Variants in EPB41L3 observed in about 807,000 individuals in gnomAD.
The protein encoded by EPB41L3 is band 4.1-like protein 3.
A neutral mutation model predicts 127.1 loss-of-function variants in EPB41L3; 57 were observed. That is an observed-to-expected ratio of 0.45 (90% CI 0.36 to 0.56). The LOEUF is 0.56. Ranked by LOEUF, EPB41L3 falls within the 20% of genes least tolerant of loss-of-function variation. The probability of loss-of-function intolerance (pLI) is 0.00; values close to 1 mark genes in which losing one functional copy is unlikely to be tolerated. For synonymous variants in EPB41L3, 572 were observed against 549.5 expected (o/e 1.04, Z -0.57); for missense variants, 1,273 against 1,372.2 (o/e 0.93, Z 1.14).
intron 3 of EPB41L3, among the ~76,000 whole-genome samples, chr18:5,582,628 T>C (rs577209876): frequency 6.6e-6 from 1 of 152,246 alleles, no homozygotes. Context: ...ACAGAGAACA[T>C]GAGTGCTAGA....
rs969076633 is a variant in EPB41L3, at chr18:5,415,945, G to A, written c.1940C>T (p.Ser647Phe). 1.2e-6 allele frequency: 2 copies of A among 1,614,140 alleles called. No individual in the cohort carries two copies. The highest frequency in any genetic ancestry group is 1.7e-6 in the Non-Finnish European group (2 of 1,180,032). Residue 647 changes from serine to phenylalanine, a missense_variant, in exon 13 of 23, where the codon TCC (serine) becomes TTC (phenylalanine). By Grantham distance (155) the Ser-to-Phe change is radical (BLOSUM62 -2). This residue lies in a region of EPB41L3 where 765 missense variants were observed against 782.9 expected (regional missense o/e 0.98). Coordinates refer to ENST00000341928, the MANE Select transcript of EPB41L3 (RefSeq NM_012307.5). ...AGTGAGAGCGTATGGCACTGAGAAG[G>A]AGGCAGACAGCAGAAAGAAAAAGAT... Reference protein sequence around the residue: ...LFIFFFLLSASFSVPYALTLS... With the variant: ...LFIFFFLLSAFFSVPYALTLS...
intron 2 of EPB41L3, among the ~76,000 whole-genome samples, chr18:5,484,086 C>A (rs1599593860): frequency 1.6e-4 from 3 of 18,266 alleles, no homozygotes; most frequent in Admixed American, 1.5e-3. Context: ...CAAACAAACT[C>A]AAAAAAAAAA....
chr18:5,554,257 A>T (rs1184580074), intron 3 of EPB41L3, among the ~76,000 whole-genome samples: 1 of 152,184 alleles, frequency 6.6e-6, no homozygotes, highest in Admixed American at 6.6e-5. Context: ...CATAAGTCCC[A>T]CAAAAACAGG....
intron 3 of EPB41L3, among the ~76,000 whole-genome samples, chr18:5,566,540 G>C (rs1038217603): frequency 3.9e-5 from 6 of 152,022 alleles, no homozygotes; most frequent in Admixed American, 2.0e-4. Context: ...TACTGCCCAA[G>C]GTAATTTATA....
chr18:5,472,201 T>C (rs1483748683), intron 3 of EPB41L3, among the ~76,000 whole-genome samples: 9 of 152,210 alleles, frequency 5.9e-5, no homozygotes, highest in Non-Finnish European at 4.4e-5. Context: ...TGAAACCTTA[T>C]TGAGACAAAT....
At chr18:5,604,568 C>T (rs1172239774) in intron 3 of EPB41L3, among the ~76,000 whole-genome samples, 1 of 152,126 alleles carries the variant, frequency 6.6e-6, no homozygotes, top group African/African-American at 2.4e-5. Context: ...ATTCTTGTGT[C>T]TCAGCCACCC....
chr18:5,622,619 C>A (rs1193355047), intron 1 of EPB41L3, among the ~76,000 whole-genome samples: 2 of 152,102 alleles, frequency 1.3e-5, no homozygotes, highest in Non-Finnish European at 2.9e-5. Context: ...ATATTATTCA[C>A]AAAGCAACCT....
At chr18:5,598,055 C>A (rs1442061557) in intron 3 of EPB41L3, among the ~76,000 whole-genome samples, 1 of 152,178 alleles carries the variant, frequency 6.6e-6, no homozygotes, top group Non-Finnish European at 1.5e-5. Context: ...AATAAAAGAG[C>A]TGAGACTTGA....
chr18:5,600,739 A>ATGATT (rs1232948881), intron 3 of EPB41L3, among the ~76,000 whole-genome samples: 39 of 152,322 alleles, frequency 2.6e-4, no homozygotes, highest in African/African-American at 9.1e-4. Flanking sequence ...TAATCATTAA[A>ATGATT]ACCATTAAAA....
chr18:5,475,507 C>G (rs575658910), intron 3 of EPB41L3, among the ~76,000 whole-genome samples: 22 of 152,238 alleles, frequency 1.4e-4, no homozygotes, highest in Non-Finnish European at 1.8e-4. Flanking sequence ...TTCTGCAAAC[C>G]TAACACTATG....
At chr18:5,514,642 T>C (rs146112823) in intron 1 of EPB41L3, among the ~76,000 whole-genome samples, 2 of 152,218 alleles carry the variant, frequency 1.3e-5, no homozygotes, top group Non-Finnish European at 2.9e-5. Flanking sequence ...AAACAATATA[T>C]TTTCAAATGA....
At position 5,601,864 on chromosome 18, in the gene EPB41L3, TA is replaced by T. The variant is rs1326196128; in HGVS notation, c.-306+10475del. The stretch of plus-strand genomic sequence containing the variant: ...AAATTAAACTGTAACTCCATTATCA[TA>T]AATGATTTATAAAAGCAAAACTAAC... On this transcript the variant is annotated intron_variant, in intron 3 of 21. Coordinates refer to the EPB41L3 transcript ENST00000545076. Among the ~76,000 whole-genome samples the T allele has an allele frequency of 3.9e-5, 6 of 152,310 alleles. No individual in the cohort carries two copies. In the South Asian group the frequency reaches 6.2e-4, roughly 16 times the overall value.
intron 3 of EPB41L3, among the ~76,000 whole-genome samples, chr18:5,464,000 C>T (rs2084504942): frequency 6.6e-6 from 1 of 152,052 alleles, no homozygotes; most frequent in African/African-American, 2.4e-5. Flanking sequence ...CAGGGCTTTC[C>T]ACTCCAGCTC....
intron 3 of EPB41L3, among the ~76,000 whole-genome samples, chr18:5,580,342 TACTC>T (rs1218975595): frequency 2.6e-5 from 4 of 152,088 alleles, no homozygotes; most frequent in Admixed American, 2.0e-4. Flanking sequence ...TATAGATACA[TACTC>T]ATACACATGT....
rs1264747945 is a variant in EPB41L3 at position 5,610,196 on chromosome 18, C to T, written c.-306+2144G>A. ...AGGTAACGTATTTCCAGATGATTGG[C>T]AGGTCCATATTCCATGTTCCAAGTG... is the stretch of plus-strand genomic sequence containing the variant. On this transcript the variant is annotated intron_variant, in intron 3 of 21. Coordinates refer to the EPB41L3 transcript ENST00000545076. 3 of 985,288 alleles carry T rather than the reference C, an allele frequency of 3.0e-6. No homozygotes were observed. In the African/African-American group the frequency reaches 5.2e-5, roughly 17 times the overall value. 61.0% of individuals were successfully genotyped at this position (985,288 alleles called of 1,614,324 possible). A position where few individuals can be genotyped will look rare whatever the true frequency, so the allele number is the denominator to read the frequency against.
At chr18:5,518,966 C>T (rs755394003) in intron 1 of EPB41L3, among the ~76,000 whole-genome samples, 7 of 152,148 alleles carry the variant, frequency 4.6e-5, no homozygotes, top group East Asian at 1.9e-4. Context: ...TGTCTGAATC[C>T]GTCTGTTTGG....
At position 5,428,467 on chromosome 18, in the gene EPB41L3, T is replaced by C; in HGVS notation, c.913-2A>G. ...CATAATTTCTACCCCTTCTGAGTCC[T>C]GGAAAATAAAAGCAAGAAACAACAG... is the stretch of plus-strand genomic sequence containing the variant. On this transcript the variant is annotated splice_acceptor_variant, in intron 8 of 22. Coordinates refer to ENST00000341928, the MANE Select transcript of EPB41L3 (RefSeq NM_012307.5). LOFTEE classifies it high-confidence loss of function. 1 of 1,614,140 alleles carries C rather than the reference T, an allele frequency of 6.2e-7. No homozygotes were observed. The highest frequency in any genetic ancestry group is 8.5e-7 in the Non-Finnish European group (1 of 1,179,990).
intron 1 of EPB41L3, among the ~76,000 whole-genome samples, chr18:5,501,077 GT>G (rs35705304): frequency 2.7e-4 from 41 of 152,188 alleles, no homozygotes; most frequent in Non-Finnish European, 4.6e-4. Context: ...GTGCCAGGAG[GT>G]GAGTACTGAA....
At chr18:5,537,226 G>GTTT in intron 1 of EPB41L3, among the ~76,000 whole-genome samples, 1 of 152,052 alleles carries the variant, frequency 6.6e-6, no homozygotes, top group Non-Finnish European at 1.5e-5. Context: ...TTTCTGTATT[G>GTTT]TTAGACTATA....
Sources: gnomAD v4.1 joint callset for allele counts (sites outside exome capture counted in the v4.1 genomes callset) on GRCh38, gnomAD v4.1.1 for gene constraint, gnomAD v4.1.1 regional missense constraint, MANE v1.5 for transcripts, NCBI Gene and HGNC (gene_info 2026-07-23, HGNC 2026-07-21) for gene names.